The following AK9 variants were observed in gnomAD, a reference collection of about 807,000 sequenced individuals.
AK9 encodes the protein adenylate kinase 9.
Under a neutral mutation model 239.6 loss-of-function variants are expected in AK9, and 191 were observed. The ratio of observed to expected loss-of-function variants is 0.80; its 90% CI spans 0.71 to 0.90. The LOEUF is 0.90. Among genes scored for constraint, AK9 ranks in the 40% least tolerant of loss-of-function variants. AK9 has a pLI of 0.00. For synonymous variants in AK9, 689 were observed against 721.0 expected (o/e 0.96, Z 0.71); for missense variants, 1,995 against 2,214.7 (o/e 0.90, Z 1.99).
At chr6:109,648,522 C>G (rs539063434) in intron 8 of AK9, among the ~76,000 whole-genome samples, 1 of 152,090 alleles carries the variant, frequency 6.6e-6, no homozygotes, top group African/African-American at 2.4e-5. Flanking sequence ...ACACATACAC[C>G]CTCCCAAGAC....
At chr6:109,647,571 G>A (rs1311503365) in intron 8 of AK9, among the ~76,000 whole-genome samples, 1 of 152,108 alleles carries the variant, frequency 6.6e-6, no homozygotes, top group Non-Finnish European at 1.5e-5. Flanking sequence ...CAATACAGGA[G>A]CACCCAGATT....
rs114184417 is a variant in AK9, at chr6:109,565,014, A to G, written c.2345-169T>C. ...AACGGCATAAGAATACATAATAAAA[A>G]AGGCAGAAAATAAAGAATATTCTTA... On this transcript the variant is annotated intron_variant, in intron 21 of 40. Coordinates refer to ENST00000424296, the MANE Select transcript of AK9 (RefSeq NM_001145128.3). Among the ~76,000 whole-genome samples, 406 of 152,356 alleles carry G rather than the reference A, an allele frequency of 2.7e-3. 3 individuals are homozygous for G. Among genetic ancestry groups the G allele is most frequent in the African/African-American group, 9.1e-3 (380 of 41,584 alleles).
intron 17 of AK9, among the ~76,000 whole-genome samples, chr6:109,606,696 C>T (rs1307052654): frequency 1.3e-5 from 2 of 152,186 alleles, no homozygotes; most frequent in African/African-American, 2.4e-5. Context: ...CTGCTCAGAG[C>T]AGAAGCAGAA....
intron 17 of AK9, among the ~76,000 whole-genome samples, chr6:109,587,389 G>T (rs1789645246): frequency 6.6e-6 from 1 of 151,902 alleles, no homozygotes. Flanking sequence ...TATATTCATG[G>T]GTTACAAGTG....
intron 12 of AK9, 48 bp from the exon 13 acceptor site, chr6:109,619,284 C>G (rs1301344615): frequency 6.7e-7 from 1 of 1,498,896 alleles, no homozygotes. Context: ...GTTATTGTGA[C>G]TATTAAACAC....
chr6:109,613,880 T>A (rs1793858424), intron 15 of AK9, among the ~76,000 whole-genome samples: 1 of 152,068 alleles, frequency 6.6e-6, no homozygotes, highest in South Asian at 2.1e-4. Flanking sequence ...TACGTTAAAG[T>A]AGAGAGCTTT....
intron 24 of AK9, 37 bp from the exon 25 acceptor site, chr6:109,550,339 TA>T (rs1477874783): frequency 4.5e-6 from 7 of 1,545,340 alleles, no homozygotes; most frequent in Non-Finnish European, 6.1e-6. Flanking sequence ...AACATTAAAC[TA>T]AAAAAGTATT....
intron 8 of AK9, among the ~76,000 whole-genome samples, chr6:109,654,809 T>C (rs1799460039): frequency 6.6e-6 from 1 of 152,228 alleles, no homozygotes; most frequent in Non-Finnish European, 1.5e-5. Context: ...GTTTGCAGAA[T>C]GTATACCAGA....
intron 32 of AK9, among the ~76,000 whole-genome samples, chr6:109,510,503 A>T (rs1289532652): frequency 6.6e-6 from 1 of 151,870 alleles, no homozygotes; most frequent in African/African-American, 2.4e-5. Flanking sequence ...GATAGGAGCC[A>T]CCCTCTCCAG....
chr6:109,571,695 C>A (rs574527288), intron 21 of AK9, among the ~76,000 whole-genome samples: 1 of 152,106 alleles, frequency 6.6e-6, no homozygotes, highest in East Asian at 1.9e-4. Context: ...ATCAAAACTA[C>A]GATCACTGTC....
intron 17 of AK9, among the ~76,000 whole-genome samples, chr6:109,609,477 A>G (rs1158903271): frequency 6.6e-6 from 1 of 152,216 alleles, no homozygotes; most frequent in Non-Finnish European, 1.5e-5. Context: ...CTAACATGGT[A>G]TAGGGCAGAT....
chr6:109,509,299 G>C lies in AK9; in HGVS notation c.4361C>G (p.Pro1454Arg). 3.9e-6 allele frequency: 6 copies of C among 1,551,700 alleles called. No homozygotes were observed. The highest frequency in any genetic ancestry group is 5.2e-6 in the Non-Finnish European group (6 of 1,146,990). ...GALRYVLNNH[P>R]ETELALMLNW... ...TAACATAAGTGCCAGCTCTGTTTCCGGGTGATTGTTTAGTACATAACGCAA... is the reference window on the plus strand; with the variant it reads ...TAACATAAGTGCCAGCTCTGTTTCCCGGTGATTGTTTAGTACATAACGCAA... The change falls in exon 33 of 41, where the codon CCG (proline) becomes CGG (arginine). Residue 1454 changes from proline to arginine, a missense_variant. Coordinates refer to ENST00000424296, the MANE Select transcript of AK9 (RefSeq NM_001145128.3).
chr6:109,596,487 A>T (rs1338899823), intron 17 of AK9, among the ~76,000 whole-genome samples: 3 of 152,186 alleles, frequency 2.0e-5, no homozygotes, highest in African/African-American at 7.2e-5. Context: ...AGAAGAGTGG[A>T]TGCTCCAAAT....
intron 35 of AK9, 109 bp downstream of exon 35, chr6:109,506,218 T>C: frequency 4.3e-6 from 4 of 931,326 alleles, no homozygotes; most frequent in South Asian, 3.1e-5. Context: ...AAATACTTAT[T>C]AAGTCACGCC....
At chr6:109,518,679 T>TA (rs1779508219) in intron 29 of AK9, among the ~76,000 whole-genome samples, 1 of 152,048 alleles carries the variant, frequency 6.6e-6, no homozygotes, top group South Asian at 2.1e-4. Flanking sequence ...TTACTATATA[T>TA]ATATTTAATT....
chr6:109,675,367 G>C (rs1207175693), intron 2 of AK9, among the ~76,000 whole-genome samples: 2 of 152,054 alleles, frequency 1.3e-5, no homozygotes, highest in Non-Finnish European at 2.9e-5. Flanking sequence ...TCTTTATCTA[G>C]TCTACCACTG....
At chr6:109,548,479 G>A (rs924917854) in intron 25 of AK9, among the ~76,000 whole-genome samples, 2 of 152,164 alleles carry the variant, frequency 1.3e-5, no homozygotes, top group African/African-American at 4.8e-5. Context: ...GAGATCAGCA[G>A]TTTCCAAATG....
At chr6:109,674,069 A>C (rs1186991274) in intron 3 of AK9, 129 bp downstream of exon 3, 4 of 572,838 alleles carry the variant, frequency 7.0e-6, no homozygotes, top group Non-Finnish European at 1.1e-5. Flanking sequence ...TGATAAAGCA[A>C]ATATAGCAAA....
At chr6:109,574,829 C>T (rs747937261) in intron 20 of AK9, among the ~76,000 whole-genome samples, 2 of 152,032 alleles carry the variant, frequency 1.3e-5, no homozygotes, top group African/African-American at 2.4e-5. Context: ...ATACACTGTA[C>T]CCAATGTGTA....
Sources: allele counts gnomAD v4.1 joint callset (sites outside exome capture counted in the v4.1 genomes callset), GRCh38; gene constraint gnomAD v4.1.1; transcripts MANE v1.5; gene names NCBI Gene and HGNC (gene_info 2026-07-23, HGNC 2026-07-21).